Variants in PTPRG observed in about 807,000 individuals in gnomAD.
PTPRG encodes the protein receptor-type tyrosine-protein phosphatase gamma.
PTPRG carries 102 observed loss-of-function variants against 165.3 expected under a neutral mutation model. That is an observed-to-expected ratio of 0.62 (90% confidence interval 0.53 to 0.73). The LOEUF (loss-of-function observed/expected upper bound fraction) is 0.73, where lower values mean the gene tolerates loss of function less well. Among genes scored for constraint, PTPRG ranks in the 30% least tolerant of loss-of-function variants. PTPRG has a pLI of 0.00. For missense variants in PTPRG, 1,866 were observed against 1,861.4 expected (o/e 1.00, Z -0.05); for synonymous variants, 675 against 669.5 (o/e 1.01, Z -0.13).
intron 24 of PTPRG, 94 bp downstream of exon 24, chr3:62,276,060 C>T: frequency 2.3e-6 from 2 of 888,834 alleles, no homozygotes; most frequent in Non-Finnish European, 3.5e-6. Flanking sequence ...TGATAGCACC[C>T]TTCAATTGTA....
chr3:62,091,440 C>T (rs537750592), intron 5 of PTPRG, among the ~76,000 whole-genome samples: 3 of 152,298 alleles, frequency 2.0e-5, no homozygotes, highest in South Asian at 2.1e-4. Flanking sequence ...GCAGCCAAGT[C>T]GGCTGAGAGA....
At chr3:61,831,391 T>G (rs1274810243) in intron 2 of PTPRG, among the ~76,000 whole-genome samples, 1 of 152,276 alleles carries the variant, frequency 6.6e-6, no homozygotes, top group African/African-American at 2.4e-5. Context: ...ATCATTGGGA[T>G]AATTTTTACT....
At chr3:61,904,532 T>G (rs2038592258) in intron 2 of PTPRG, among the ~76,000 whole-genome samples, 1 of 152,170 alleles carries the variant, frequency 6.6e-6, no homozygotes, top group Non-Finnish European at 1.5e-5. Flanking sequence ...GCCTATAGAC[T>G]GCCAATTTAC....
chr3:61,751,865 C>T (rs1032593422), intron 2 of PTPRG, among the ~76,000 whole-genome samples: 2 of 151,906 alleles, frequency 1.3e-5, no homozygotes, highest in East Asian at 3.9e-4. Context: ...TAGCGGTGGG[C>T]GCCTGTAGTC....
intron 1 of PTPRG, among the ~76,000 whole-genome samples, chr3:61,731,790 A>G (rs537258732): frequency 3.6e-4 from 55 of 151,828 alleles, no homozygotes; most frequent in African/African-American, 1.3e-3. Flanking sequence ...TGAACTGCAT[A>G]GGTACTTTTT....
At chr3:61,916,695 C>G (rs2038945520) in intron 2 of PTPRG, among the ~76,000 whole-genome samples, 2 of 151,908 alleles carry the variant, frequency 1.3e-5, no homozygotes, top group African/African-American at 4.8e-5. Flanking sequence ...CATACATGTT[C>G]AAAATCTATT....
chr3:61,855,241 G>A (rs2037066927), intron 2 of PTPRG, among the ~76,000 whole-genome samples: 1 of 152,140 alleles, frequency 6.6e-6, no homozygotes, highest in Non-Finnish European at 1.5e-5. Context: ...TTTCATAACT[G>A]GGCTCTTGTT....
intron 2 of PTPRG, among the ~76,000 whole-genome samples, chr3:61,982,821 A>G (rs1015593490): frequency 3.3e-5 from 5 of 152,192 alleles, no homozygotes; most frequent in Non-Finnish European, 7.3e-5. Context: ...CCTAAAATAG[A>G]CACCCTGGGA....
At chr3:62,034,723 A>G (rs1057184158) in intron 4 of PTPRG, among the ~76,000 whole-genome samples, 3 of 152,222 alleles carry the variant, frequency 2.0e-5, no homozygotes. Flanking sequence ...AAATTTTTTA[A>G]ATGTCCGTGC....
rs769470149 is a variant in PTPRG at position 62,203,782 on chromosome 3, G to A, written c.1987G>A (p.Gly663Ser). The change falls in exon 12 of 30, where the codon GGC becomes AGC. Residue 663 changes from glycine to serine, a missense_variant. This residue lies in a region of PTPRG where 1,452 missense variants were observed against 1,463.0 expected (regional missense o/e 0.99). Coordinates refer to ENST00000474889, the MANE Select transcript of PTPRG (RefSeq NM_002841.4). The surrounding 1 kb of genome is among the most constrained non-coding windows in gnomAD (Gnocchi z 6.4). ...CCAGACGGGCGGAAGGAGGGATGCCGGCCCAGGCCTGGACCCCGACATGGT... is the reference window on the plus strand; with the variant it reads ...CCAGACGGGCGGAAGGAGGGATGCCAGCCCAGGCCTGGACCCCGACATGGT... Reference protein sequence around the residue: ...TDQTGGRRDAGPGLDPDMVTS... With the variant: ...TDQTGGRRDASPGLDPDMVTS... 1.1e-5 allele frequency: 18 copies of A among 1,612,666 alleles called. 1 individual carries two copies. In the Admixed American group the frequency reaches 1.3e-4, roughly 12 times the overall value.
chr3:62,122,820 G>A (rs1023202686), intron 5 of PTPRG, among the ~76,000 whole-genome samples: 1 of 152,170 alleles, frequency 6.6e-6, no homozygotes, highest in Non-Finnish European at 1.5e-5. Flanking sequence ...TGAGGGGCAA[G>A]AACTCATCTA....
At chr3:62,291,255 A>G (rs986656604) in intron 28 of PTPRG, among the ~76,000 whole-genome samples, 4 of 152,152 alleles carry the variant, frequency 2.6e-5, no homozygotes, top group Non-Finnish European at 5.9e-5. Flanking sequence ...CGTGCTGGGA[A>G]TAGTATGAAC....
chr3:62,135,184 G>A (rs939050982), intron 6 of PTPRG, among the ~76,000 whole-genome samples: 1 of 151,540 alleles, frequency 6.6e-6, no homozygotes, highest in African/African-American at 2.4e-5. Flanking sequence ...TGAGGTGGGA[G>A]GATCACCTGA....
intron 2 of PTPRG, among the ~76,000 whole-genome samples, chr3:61,945,672 G>A (rs1328119146): frequency 6.6e-6 from 1 of 151,822 alleles, no homozygotes; most frequent in Non-Finnish European, 1.5e-5. Flanking sequence ...AATTTTTCTG[G>A]GAGAGTATAA....
chr3:61,838,641 A>G (rs1177768535), intron 2 of PTPRG, among the ~76,000 whole-genome samples: 2 of 152,230 alleles, frequency 1.3e-5, no homozygotes, highest in Non-Finnish European at 2.9e-5. Context: ...TGAACGAAAT[A>G]CCAGAATGAC....
In PTPRG at chr3:62,240,905, CTTG is replaced by C. The variant is rs1339557288; in HGVS notation, c.2376-2897_2376-2895del. ...TTGACTATTTGAAGCAATTTATTTG[CTTG>C]TTGTGGATTTTTCCCCATGAAGACA... On this transcript the variant is annotated intron_variant, in intron 14 of 29. Coordinates refer to ENST00000474889, the MANE Select transcript of PTPRG (RefSeq NM_002841.4). This position sits in a 1 kb window ranked among gnomAD's most constrained non-coding sequence, Gnocchi z 5.1. 6.6e-6 allele frequency among the ~76,000 whole-genome samples: 1 copy of C among 152,072 alleles called. No individual in the cohort carries two copies. Among genetic ancestry groups the C allele is most frequent in the African/African-American group, 2.4e-5 (1 of 41,392 alleles).
At chr3:61,854,266 A>G (rs2037042547) in intron 2 of PTPRG, among the ~76,000 whole-genome samples, 1 of 152,158 alleles carries the variant, frequency 6.6e-6, no homozygotes, top group African/African-American at 2.4e-5. Flanking sequence ...TTGAGGTGGG[A>G]TGGTTTCACT....
intron 15 of PTPRG, among the ~76,000 whole-genome samples, chr3:62,247,715 C>G (rs903547867): frequency 1.3e-5 from 2 of 152,164 alleles, no homozygotes; most frequent in African/African-American, 4.8e-5. Flanking sequence ...AATTTAGACA[C>G]TAACTCAGCA....
intron 6 of PTPRG, among the ~76,000 whole-genome samples, chr3:62,149,270 CTTT>C (rs11463679): frequency 1.3e-4 from 18 of 137,968 alleles, no homozygotes; most frequent in Middle Eastern, 3.9e-3. Flanking sequence ...AGGGAGGCCT[CTTT>C]TTTTTTTTTT....
Sources: allele counts gnomAD v4.1 joint callset (sites outside exome capture counted in the v4.1 genomes callset), GRCh38; gene constraint gnomAD v4.1.1; regional missense constraint gnomAD v4.1.1; non-coding constraint Gnocchi (gnomAD v3.1); transcripts MANE v1.5; gene names NCBI Gene and HGNC (gene_info 2026-07-23, HGNC 2026-07-21).